PDE1A: variants seen among roughly 807,000 people sequenced by gnomAD.
The protein encoded by PDE1A is dual specificity calcium/calmodulin-dependent 3',5'-cyclic nucleotide phosphodiesterase 1A.
A neutral mutation model predicts 61.7 loss-of-function variants in PDE1A; 35 were observed. The ratio of observed to expected loss-of-function variants is 0.57; its 90% CI spans 0.43 to 0.75. The LOEUF is 0.75. Ranked by LOEUF, PDE1A falls within the 30% of genes least tolerant of loss-of-function variation. The pLI, the probability that PDE1A is intolerant of heterozygous loss-of-function variation, is 0.00. For synonymous variants in PDE1A, 232 were observed against 213.2 expected (o/e 1.09, Z -0.77); for missense variants, 597 against 630.6 (o/e 0.95, Z 0.57).
At position 182,255,315 on chromosome 2, in the gene PDE1A, G is replaced by A. The variant is rs761395293; in HGVS notation, c.167+8986C>T. 7.7e-4 allele frequency among the ~76,000 whole-genome samples: 117 copies of A among 152,264 alleles called. 3 individuals carry two copies. The Middle Eastern group carries it at 0.01, about 13-fold the overall frequency. ...TACAATTGAAATATTAATAAAAGCCGTTCATTAGCCCAATCTATTTCTCTT... is the reference window on the plus strand; with the variant it reads ...TACAATTGAAATATTAATAAAAGCCATTCATTAGCCCAATCTATTTCTCTT... On this transcript the variant is annotated intron_variant, in intron 2 of 13. Transcript: ENST00000351439.
chr2:182,311,441 T>A (rs1574319510), intron 1 of PDE1A, among the ~76,000 whole-genome samples: 1 of 152,308 alleles, frequency 6.6e-6, no homozygotes, highest in Admixed American at 6.5e-5. Flanking sequence ...CACGTTACCA[T>A]CACTACACTG....
the PDE1A span, among the ~76,000 whole-genome samples, chr2:182,601,620 T>A: frequency 2.0e-5 from 3 of 152,068 alleles, no homozygotes; most frequent in Non-Finnish European, 4.4e-5. Flanking sequence ...GAAGCTTTAT[T>A]GAGCAGTAGA....
At chr2:182,302,291 C>T (rs184119449) in intron 1 of PDE1A, among the ~76,000 whole-genome samples, 16 of 152,278 alleles carry the variant, frequency 1.1e-4, no homozygotes, top group African/African-American at 3.4e-4. Flanking sequence ...AATACCCCTA[C>T]GAGAAACCCT....
At chr2:182,572,629 T>C in the PDE1A span, among the ~76,000 whole-genome samples, 2 of 151,998 alleles carry the variant, frequency 1.3e-5, no homozygotes, top group East Asian at 1.9e-4. Context: ...ACGCGAGTAA[T>C]TCCAGCTGAG....
At chr2:182,663,573 C>T in the PDE1A span, among the ~76,000 whole-genome samples, 1 of 152,132 alleles carries the variant, frequency 6.6e-6, no homozygotes, top group East Asian at 1.9e-4. Flanking sequence ...AATGCAGGAA[C>T]AGAAAACCAA....
chr2:182,457,520 A>G (rs1686005538), intron 2 of PDE1A, among the ~76,000 whole-genome samples: 1 of 152,088 alleles, frequency 6.6e-6, no homozygotes, highest in Non-Finnish European at 1.5e-5. Context: ...TCTTCAAGTC[A>G]ACTTCCAACT....
At chr2:182,531,196 G>T in the PDE1A span, among the ~76,000 whole-genome samples, 39 of 151,388 alleles carry the variant, frequency 2.6e-4, 1 homozygote, top group African/African-American at 9.4e-4. Flanking sequence ...TCAAGTAACC[G>T]ATAGGAAGAC....
chr2:182,158,660 A>G (rs1182680469), intron 13 of PDE1A, among the ~76,000 whole-genome samples: 6 of 152,198 alleles, frequency 3.9e-5, no homozygotes, highest in African/African-American at 7.2e-5. Context: ...ACGAATCAAA[A>G]TTAGCGCATG....
chr2:182,233,773 C>T (rs1574095299), intron 4 of PDE1A, among the ~76,000 whole-genome samples: 1 of 67,996 alleles, frequency 1.5e-5, no homozygotes, highest in African/African-American at 5.7e-5. Flanking sequence ...GGCACATGAA[C>T]ACCACACACA....
At chr2:182,433,956 C>T (rs1704082643) in intron 2 of PDE1A, among the ~76,000 whole-genome samples, 1 of 152,076 alleles carries the variant, frequency 6.6e-6, no homozygotes, top group African/African-American at 2.4e-5. Context: ...TGTGACTCTC[C>T]TGACAACTCT....
intron 1 of PDE1A, among the ~76,000 whole-genome samples, chr2:182,347,829 A>G (rs1197830232): frequency 6.6e-6 from 1 of 152,190 alleles, no homozygotes; most frequent in African/African-American, 2.4e-5. Flanking sequence ...TTTAACAGAG[A>G]GGATCAGAAA....
chr2:182,669,710 G>A, the PDE1A span, among the ~76,000 whole-genome samples: 1 of 152,136 alleles, frequency 6.6e-6, no homozygotes, highest in Non-Finnish European at 1.5e-5. Flanking sequence ...CCTTATCATA[G>A]GTGGTTCCCA....
At chr2:182,538,693 T>C in the PDE1A span, among the ~76,000 whole-genome samples, 1 of 152,196 alleles carries the variant, frequency 6.6e-6, no homozygotes, top group Non-Finnish European at 1.5e-5. Context: ...AATCTAAATA[T>C]CTTTGGAAAT....
At chr2:182,326,437 T>C (rs928330673) in intron 1 of PDE1A, among the ~76,000 whole-genome samples, 1 of 152,118 alleles carries the variant, frequency 6.6e-6, no homozygotes, top group Non-Finnish European at 1.5e-5. Context: ...ACCTAGAAAA[T>C]ATTATGCTAT....
intron 13 of PDE1A, among the ~76,000 whole-genome samples, chr2:182,153,306 G>A (rs1690891129): frequency 6.6e-6 from 1 of 152,118 alleles, no homozygotes. Context: ...ATGTTTTGTT[G>A]GCACACAGGT....
chr2:182,617,160 T>TGGTTGGGG, the PDE1A span, among the ~76,000 whole-genome samples: 20,134 of 152,100 alleles, frequency 0.13, 1,493 homozygotes, highest in Middle Eastern at 0.22. Context: ...ACGTGATTTA[T>TGGTTGGGG]GGTTGGGGCC....
chr2:182,453,809 T>A (rs559776979), intron 2 of PDE1A, among the ~76,000 whole-genome samples: 22 of 152,186 alleles, frequency 1.4e-4, no homozygotes, highest in African/African-American at 5.1e-4. Flanking sequence ...ACAGCCAATA[T>A]CATACTGAAT....
At chr2:182,532,061 T>C in the PDE1A span, among the ~76,000 whole-genome samples, 11 of 152,178 alleles carry the variant, frequency 7.2e-5, no homozygotes, top group South Asian at 2.1e-4. Context: ...TAAAAAGGTA[T>C]TGAATACTGA....
At chr2:182,333,694 T>G (rs1697581539) in intron 1 of PDE1A, among the ~76,000 whole-genome samples, 1 of 151,424 alleles carries the variant, frequency 6.6e-6, no homozygotes, top group African/African-American at 2.4e-5. Flanking sequence ...GAAAACAAAT[T>G]CAAAAGCTAG....
Sources: allele counts gnomAD v4.1 joint callset (sites outside exome capture counted in the v4.1 genomes callset), GRCh38; gene constraint gnomAD v4.1.1; transcripts MANE v1.5; gene names NCBI Gene and HGNC (gene_info 2026-07-23, HGNC 2026-07-21).